Variants in MICU3 observed in about 807,000 individuals in gnomAD.
The protein encoded by MICU3 is calcium uptake protein 3, mitochondrial.
MICU3 carries 62 observed loss-of-function variants against 66.5 expected under a neutral mutation model. The observed-to-expected ratio is 0.93, with a 90% confidence interval of 0.76 to 1.15. MICU3 has a LOEUF of 1.15. Among genes scored for constraint, MICU3 ranks in the 50% most tolerant of loss-of-function variants. The pLI, the probability that MICU3 is intolerant of heterozygous loss-of-function variation, is 0.00. For synonymous variants in MICU3, 308 were observed against 240.7 expected (o/e 1.28, Z -2.59); for missense variants, 779 against 664.4 (o/e 1.17, Z -1.90).
chr8:17,066,685 G>A (rs1818770119), intron 2 of MICU3, among the ~76,000 whole-genome samples: 1 of 151,200 alleles, frequency 6.6e-6, no homozygotes, highest in African/African-American at 2.4e-5. Context: ...TGGGACTACA[G>A]GCACATGCCA....
chr8:17,105,596 T>A lies in MICU3; in HGVS notation c.1257+12T>A, dbSNP rs372215988. On this transcript the variant is annotated intron_variant, in intron 11 of 14. Transcript: ENST00000318063. ...TACCTGAAGAAAAGGTATCTAATCC[T>A]CATATTTAGTTGGTTATGTTACTGT... The A allele has an allele frequency of 4.1e-6, 6 of 1,464,910 alleles. No individual in the cohort carries two copies. Among genetic ancestry groups the A allele is most frequent in the Non-Finnish European group, 5.5e-6 (6 of 1,092,828 alleles). The allele number at this position is 1,464,910 out of a possible 1,614,324, so 90.7% of individuals were successfully genotyped here. A position where few individuals can be genotyped will look rare whatever the true frequency, so the allele number is the denominator to read the frequency against.
chr8:17,137,412 AT>A, the MICU3 span, among the ~76,000 whole-genome samples: 1 of 151,794 alleles, frequency 6.6e-6, no homozygotes, highest in Admixed American at 6.6e-5. Context: ...TTAGAATGAT[AT>A]TAAATAGCAC....
At chr8:17,131,031 A>C in the MICU3 span, 1 of 152,242 alleles carries the variant, frequency 6.6e-6, no homozygotes, top group African/African-American at 2.4e-5. Context: ...TGGCTGTATT[A>C]ACATCAGACA....
chr8:17,087,455 A>G (rs1329115271), intron 7 of MICU3, among the ~76,000 whole-genome samples: 1 of 152,008 alleles, frequency 6.6e-6, no homozygotes, highest in Non-Finnish European at 1.5e-5. Context: ...GCATTCTTAG[A>G]TGTATATATT....
intron 2 of MICU3, 107 bp from the exon 3 acceptor site, chr8:17,069,581 G>C: frequency 1.8e-6 from 1 of 564,818 alleles, no homozygotes; most frequent in Non-Finnish European, 3.0e-6. Context: ...TTTGCCTTTT[G>C]GACATAAAAG....
At chr8:17,044,691 C>T (rs1010119409) in intron 1 of MICU3, among the ~76,000 whole-genome samples, 5 of 152,198 alleles carry the variant, frequency 3.3e-5, no homozygotes, top group African/African-American at 1.2e-4. Context: ...CCTCACTTTA[C>T]AGTGACCTCC....
chr8:17,102,199 CA>C (rs1286569930), intron 9 of MICU3, among the ~76,000 whole-genome samples: 1 of 151,824 alleles, frequency 6.6e-6, no homozygotes, highest in Non-Finnish European at 1.5e-5. Flanking sequence ...CCTTTCCTCC[CA>C]CCCCATTCCT....
At chr8:17,066,517 CTATATA>C (rs71212675) in intron 2 of MICU3, among the ~76,000 whole-genome samples, 1 of 105,042 alleles carries the variant, frequency 9.5e-6, no homozygotes, top group Admixed American at 1.1e-4. Context: ...TGTTAATAAT[CTATATA>C]TATATATATA....
Position 17,104,459 on chromosome 8 carries a change from A to C in MICU3, c.1053A>C (p.Gly351=). The C allele has an allele frequency of 7.5e-6, 11 of 1,462,998 alleles. No individual in the cohort carries two copies. Among genetic ancestry groups the C allele is most frequent in the Non-Finnish European group, 1.0e-5 (11 of 1,086,162 alleles). The allele number at this position is 1,462,998 out of a possible 1,614,324, so 90.6% of individuals were successfully genotyped here. A position where few individuals can be genotyped will look rare whatever the true frequency, so the allele number is the denominator to read the frequency against. Residue 351 remains glycine, a synonymous_variant, in exon 10 of 15, where the codon GGA becomes GGC. Transcript: ENST00000318063. ...TLLVHFFGKK[G]KAELNFEDFY... ...TTGTACACTTTTTTGGAAAGAAAGG[A>C]AAAGCTGAGCTCAACTTTGAAGATT... is the stretch of plus-strand genomic sequence containing the variant.
chr8:17,062,047 C>G (rs1473460949), intron 1 of MICU3, among the ~76,000 whole-genome samples: 2 of 152,110 alleles, frequency 1.3e-5, no homozygotes, highest in African/African-American at 4.8e-5. Flanking sequence ...CTCCTAAGAC[C>G]ATTTGTTTAC....
intron 1 of MICU3, among the ~76,000 whole-genome samples, chr8:17,044,825 G>A (rs1381720367): frequency 1.3e-5 from 2 of 152,308 alleles, no homozygotes; most frequent in East Asian, 3.9e-4. Context: ...TTGGCTTGGG[G>A]TGGGTCAGGA....
chr8:17,051,262 A>T (rs1816031190), intron 1 of MICU3, among the ~76,000 whole-genome samples: 1 of 152,200 alleles, frequency 6.6e-6, no homozygotes, highest in African/African-American at 2.4e-5. Context: ...AGCAATCACC[A>T]TTTAACAATT....
intron 3 of MICU3, among the ~76,000 whole-genome samples, chr8:17,076,525 C>A (rs850430): frequency 0.99 from 150,727 of 152,264 alleles, 74,621 homozygotes; most frequent in Middle Eastern, 1. Flanking sequence ...ACATGAAAAA[C>A]ACAAACACAA....
intron 12 of MICU3, among the ~76,000 whole-genome samples, chr8:17,114,612 T>C (rs555362591): frequency 6.6e-6 from 1 of 152,336 alleles, no homozygotes; most frequent in East Asian, 1.9e-4. Context: ...ACAGTGGTCA[T>C]AGAATCCCAA....
intron 14 of MICU3, among the ~76,000 whole-genome samples, chr8:17,119,045 T>C (rs927478120): frequency 5.9e-5 from 9 of 152,312 alleles, no homozygotes; most frequent in African/African-American, 2.2e-4. Context: ...TTTAGGATCA[T>C]GATTCTGAGC....
chr8:17,137,695 T>C, the MICU3 span, among the ~76,000 whole-genome samples: 1 of 145,852 alleles, frequency 6.9e-6, no homozygotes, highest in Non-Finnish European at 1.5e-5. Flanking sequence ...AAGAGTAATA[T>C]TTTCTTTTCC....
intron 1 of MICU3, among the ~76,000 whole-genome samples, chr8:17,052,981 A>G (rs552020246): frequency 1.3e-5 from 2 of 152,330 alleles, no homozygotes; most frequent in African/African-American, 4.8e-5. Flanking sequence ...AGTTGCCAAC[A>G]TAGGGTAAAT....
chr8:17,136,126 C>T, the MICU3 span, among the ~76,000 whole-genome samples: 1 of 151,974 alleles, frequency 6.6e-6, no homozygotes, highest in African/African-American at 2.4e-5. Flanking sequence ...GTATGTTCAG[C>T]TAGTATCATC....
chr8:17,090,143 C>G (rs1799892952), intron 7 of MICU3, among the ~76,000 whole-genome samples: 2 of 152,026 alleles, frequency 1.3e-5, no homozygotes, highest in South Asian at 4.1e-4. Flanking sequence ...CACAGCAGAG[C>G]AGGATTCCAG....
Sources: allele counts gnomAD v4.1 joint callset (sites outside exome capture counted in the v4.1 genomes callset), GRCh38; gene constraint gnomAD v4.1.1; transcripts MANE v1.5; gene names NCBI Gene and HGNC (gene_info 2026-07-23, HGNC 2026-07-21).